GPC6: variants seen among roughly 807,000 people sequenced by gnomAD.
The protein encoded by GPC6 is glypican 6, also known as glypican-6.
Under a neutral mutation model 55.2 loss-of-function variants are expected in GPC6, and 14 were observed. The ratio of observed to expected loss-of-function variants is 0.25; its 90% CI spans 0.17 to 0.40. The LOEUF is 0.40. GPC6 is among the 10% of genes least tolerant of loss of function. GPC6 has a pLI of 1.00. For synonymous variants in GPC6, 278 were observed against 259.6 expected, an observed-to-expected ratio of 1.07 and a Z score of -0.68; for missense variants, 641 against 708.5, an observed-to-expected ratio of 0.90 and a Z score of 1.08.
At chr13:93,624,860 A>G (rs895007360) in intron 2 of GPC6, among the ~76,000 whole-genome samples, 2 of 152,252 alleles carry the variant, frequency 1.3e-5, no homozygotes, top group African/African-American at 4.8e-5. Flanking sequence ...AATAACTAAA[A>G]GCAAGGAGTT....
At chr13:94,026,274 A>C (rs948246376) in intron 3 of GPC6, among the ~76,000 whole-genome samples, 2 of 152,200 alleles carry the variant, frequency 1.3e-5, no homozygotes, top group Admixed American at 1.3e-4. Flanking sequence ...AAGAATCTCA[A>C]AATTGATCCT....
chr13:94,098,214 C>G (rs1010820455), intron 4 of GPC6, among the ~76,000 whole-genome samples: 1 of 152,068 alleles, frequency 6.6e-6, no homozygotes, highest in Non-Finnish European at 1.5e-5. Flanking sequence ...TAGCTTTGGC[C>G]GTATGAGGCC....
chr13:93,999,868 C>G (rs1881721403), intron 3 of GPC6, among the ~76,000 whole-genome samples: 1 of 152,114 alleles, frequency 6.6e-6, no homozygotes, highest in Non-Finnish European at 1.5e-5. Context: ...CAAAACCAAA[C>G]ATTTATACAT....
intron 6 of GPC6, among the ~76,000 whole-genome samples, chr13:94,345,111 C>T (rs1201655280): frequency 6.6e-6 from 1 of 152,126 alleles, no homozygotes; most frequent in Non-Finnish European, 1.5e-5. Context: ...GAATCTCAAA[C>T]GTTTGAAGCA....
At chr13:94,106,648 G>T (rs571410669) in intron 4 of GPC6, among the ~76,000 whole-genome samples, 1 of 152,242 alleles carries the variant, frequency 6.6e-6, no homozygotes, top group Admixed American at 6.5e-5. Context: ...GTGCAGAAAA[G>T]AGTTGGAGAA....
At chr13:93,587,145 C>T (rs1190901846) in intron 2 of GPC6, among the ~76,000 whole-genome samples, 1 of 152,086 alleles carries the variant, frequency 6.6e-6, no homozygotes, top group African/African-American at 2.4e-5. Flanking sequence ...TCACTATCCT[C>T]TCTGGGCCTT....
Position 93,357,524 on chromosome 13 carries a change from G to A in GPC6, c.160+129908G>A, listed in dbSNP as rs185041683. Among the ~76,000 whole-genome samples, 35 of 152,166 alleles carry A rather than the reference G, an allele frequency of 2.3e-4. No individual in the cohort carries two copies. The East Asian group carries it at 5.8e-3, about 25-fold the overall frequency. The stretch of plus-strand genomic sequence containing the variant: ...CTTTTGGCACCACATTATTCTCTGG[G>A]CAAAATAAGTATTTTCTATTTTTAA... On this transcript the variant is annotated intron_variant, in intron 1 of 8. Transcript: ENST00000377047.
chr13:94,255,875 AG>A (rs1891487650), intron 4 of GPC6, among the ~76,000 whole-genome samples: 1 of 152,184 alleles, frequency 6.6e-6, no homozygotes, highest in East Asian at 1.9e-4. Flanking sequence ...AAGGGGAGGA[AG>A]GTGTGTTTGA....
intron 3 of GPC6, among the ~76,000 whole-genome samples, chr13:93,919,727 G>A (rs1271259468): frequency 2.0e-5 from 3 of 152,114 alleles, no homozygotes; most frequent in Non-Finnish European, 2.9e-5. Context: ...ATATTCCTGT[G>A]TCCATGTTTA....
intron 6 of GPC6, among the ~76,000 whole-genome samples, chr13:94,372,528 C>A (rs1396636555): frequency 1.3e-5 from 2 of 151,540 alleles, no homozygotes; most frequent in African/African-American, 2.4e-5. Context: ...CGGCGCACCA[C>A]GAGAGTATAT....
In GPC6 at chr13:93,843,673, G is replaced by C. The variant is rs145510275; in HGVS notation, c.711+13128G>C. On this transcript the variant is annotated intron_variant, in intron 3 of 8. Transcript: ENST00000377047. ...AAAATATGGATTTCTACAGTTTCTT[G>C]GAAGATAAAACAACCCTGAGCCGGC... Among the ~76,000 whole-genome samples, 41 of 152,238 alleles carry C rather than the reference G, an allele frequency of 2.7e-4. 1 individual carries two copies. The highest frequency in any genetic ancestry group is 9.1e-4 in the African/African-American group (38 of 41,562).
At chr13:94,216,928 A>T (rs553228491) in intron 4 of GPC6, among the ~76,000 whole-genome samples, 1 of 152,334 alleles carries the variant, frequency 6.6e-6, no homozygotes, top group South Asian at 2.1e-4. Flanking sequence ...ATTTAAAGTC[A>T]GAAGATCTGG....
At chr13:94,367,204 A>G (rs375088492) in intron 6 of GPC6, among the ~76,000 whole-genome samples, 20 of 152,258 alleles carry the variant, frequency 1.3e-4, no homozygotes, top group African/African-American at 4.8e-4. Context: ...TAATTCAGCA[A>G]TAAAACTACT....
intron 4 of GPC6, among the ~76,000 whole-genome samples, chr13:94,252,112 A>C (rs1018895592): frequency 7.9e-5 from 12 of 152,056 alleles, no homozygotes; most frequent in African/African-American, 2.9e-4. Flanking sequence ...GGTGGCCTTC[A>C]ATGTCCCATA....
intron 3 of GPC6, among the ~76,000 whole-genome samples, chr13:93,842,859 T>G (rs530917961): frequency 6.6e-6 from 1 of 152,216 alleles, no homozygotes; most frequent in South Asian, 2.1e-4. Context: ...AAAATCAATA[T>G]GTGTGTTCAT....
intron 2 of GPC6, among the ~76,000 whole-genome samples, chr13:93,578,494 A>G (rs1876775013): frequency 6.6e-6 from 1 of 151,888 alleles, no homozygotes; most frequent in Non-Finnish European, 1.5e-5. Context: ...TATTGTTCAT[A>G]GTAGTCTCTA....
At chr13:93,922,099 A>G (rs778496352) in intron 3 of GPC6, among the ~76,000 whole-genome samples, 10 of 152,234 alleles carry the variant, frequency 6.6e-5, no homozygotes, top group Non-Finnish European at 1.3e-4. Context: ...AAAGAAAAAA[A>G]TGAAGAAGAA....
At chr13:93,394,706 G>A (rs1276034797) in intron 1 of GPC6, among the ~76,000 whole-genome samples, 1 of 152,202 alleles carries the variant, frequency 6.6e-6, no homozygotes, top group East Asian at 1.9e-4. Context: ...GTTAAGACCT[G>A]CTCTACTCTA....
At chr13:94,276,092 G>A (rs1369826340) in intron 4 of GPC6, among the ~76,000 whole-genome samples, 1 of 152,162 alleles carries the variant, frequency 6.6e-6, no homozygotes, top group African/African-American at 2.4e-5. Context: ...TTATCCAACA[G>A]ATTTATTTGT....
Sources: gnomAD v4.1 joint callset for allele counts (sites outside exome capture counted in the v4.1 genomes callset) on GRCh38, gnomAD v4.1.1 for gene constraint, MANE v1.5 for transcripts, NCBI Gene and HGNC (gene_info 2026-07-23, HGNC 2026-07-21) for gene names.